HUWE1: variants seen among roughly 807,000 people sequenced by gnomAD.
The protein encoded by HUWE1 is E3 ubiquitin-protein ligase HUWE1.
In HUWE1, 18 loss-of-function variants were observed where a neutral mutation model predicts 299.4. The ratio of observed to expected loss-of-function variants is 0.06; its 90% CI spans 0.04 to 0.09. The LOEUF (loss-of-function observed/expected upper bound fraction) is 0.09. Among genes scored for constraint, HUWE1 ranks in the 10% least tolerant of loss-of-function variants. HUWE1 has a pLI of 1.00. For missense variants in HUWE1, 1,832 were observed against 3,462.3 expected, an observed-to-expected ratio of 0.53 and a Z score of 11.82; for synonymous variants, 1,317 against 1,286.1, an observed-to-expected ratio of 1.02 and a Z score of -0.51.
chrX:53,618,345 A>T (rs112831925), intron 19 of HUWE1, among the ~76,000 whole-genome samples: 1,674 of 110,791 alleles, frequency 0.015, 37 homozygotes, highest in African/African-American at 0.053. Flanking sequence ...GAAAAAAAAA[A>T]TTTATTCTAC....
intron 27 of HUWE1, 99 bp from the exon 28 acceptor site, chrX:53,602,757 A>C (rs1244181346): frequency 2.1e-6 from 1 of 478,984 alleles, no homozygotes; most frequent in South Asian, 4.2e-5. Flanking sequence ...CTTGGCTGAC[A>C]CTATCCCTCC....
chrX:53,600,545 G>A (rs1389755528), intron 28 of HUWE1, among the ~76,000 whole-genome samples: 2 of 112,277 alleles, frequency 1.8e-5, no homozygotes, highest in Non-Finnish European at 3.8e-5. Flanking sequence ...TTAACCCAGG[G>A]CTACCTTGGA....
chrX:53,571,462 G>A (rs981625572), intron 47 of HUWE1, among the ~76,000 whole-genome samples: 2 of 110,891 alleles, frequency 1.8e-5, no homozygotes, highest in Admixed American at 9.6e-5. Context: ...TTAGCTGGGC[G>A]TGGTAGCATG....
intron 68 of HUWE1, 112 bp from the exon 69 acceptor site, chrX:53,546,937 A>G: frequency 1.0e-6 from 1 of 986,668 alleles, no homozygotes; most frequent in Non-Finnish European, 1.4e-6. Context: ...ATGGGAAAGT[A>G]CTGAAAAAGA....
chrX:53,665,822 G>A (rs925099923), intron 3 of HUWE1, among the ~76,000 whole-genome samples: 2 of 111,953 alleles, frequency 1.8e-5, no homozygotes, highest in Non-Finnish European at 3.8e-5. Flanking sequence ...TTGGTACTCT[G>A]GAATATTCCT....
At chrX:53,669,331 T>C (rs2069403963) in intron 3 of HUWE1, among the ~76,000 whole-genome samples, 1 of 112,351 alleles carries the variant, frequency 8.9e-6, no homozygotes, top group African/African-American at 3.2e-5. Flanking sequence ...ATTTCAAATG[T>C]TCTTAAATAA....
chrX:53,552,073 C>T (rs1602593911), intron 63 of HUWE1, among the ~76,000 whole-genome samples: 1 of 111,600 alleles, frequency 9.0e-6, no homozygotes, highest in Non-Finnish European at 1.9e-5. Flanking sequence ...AAATAATGAC[C>T]CTAGGTTGTA....
At chrX:53,646,986 AGAG>A (rs2068096155) in intron 6 of HUWE1, among the ~76,000 whole-genome samples, 1 of 111,649 alleles carries the variant, frequency 9.0e-6, no homozygotes, top group African/African-American at 3.2e-5. Context: ...ACTAACACTT[AGAG>A]GAGTAGTAAG....
At chrX:53,658,946 A>G (rs782080208) in intron 3 of HUWE1, among the ~76,000 whole-genome samples, 2 of 112,998 alleles carry the variant, frequency 1.8e-5, no homozygotes, top group East Asian at 5.5e-4. Context: ...ACAGATGGCA[A>G]ATAAACATAT....
chrX:53,625,369 A>C, intron 17 of HUWE1, 111 bp from the exon 18 acceptor site: 1 of 524,210 alleles, frequency 1.9e-6, no homozygotes, highest in South Asian at 2.8e-5. Flanking sequence ...ATAAAATTAG[A>C]AGACATTCGA....
intron 55 of HUWE1, among the ~76,000 whole-genome samples, chrX:53,560,700 T>TC (rs1458858863): frequency 9.0e-6 from 1 of 111,665 alleles, no homozygotes; most frequent in African/African-American, 3.3e-5. Flanking sequence ...TACATGCTGC[T>TC]CCCTTCACCT....
rs782476072 is a variant in HUWE1 at position 53,590,530 on chromosome X, TAC to T, written c.4096-33_4096-32del. The stretch of plus-strand genomic sequence containing the variant: ...GTGTTAAGAGAATATCCAGTAAGGA[TAC>T]ACACTCAAAACAAAGAAACCCAACA... On this transcript the variant is annotated intron_variant, in intron 34 of 83. Transcript: ENST00000262854. 30 of 1,048,537 alleles carry T rather than the reference TAC, an allele frequency of 2.9e-5. No homozygotes were observed. In the African/African-American group the frequency reaches 4.1e-4, roughly 14 times the overall value. The allele number at this position is 1,048,537 out of a possible 1,213,427, so 86.4% of individuals were successfully genotyped here.
intron 73 of HUWE1, 57 bp downstream of exon 73, chrX:53,543,784 T>C: frequency 8.3e-7 from 1 of 1,204,720 alleles, no homozygotes; most frequent in Non-Finnish European, 1.1e-6. Flanking sequence ...ACTGATGACA[T>C]GGTGGGGGGA....
Position 53,592,567 on chromosome X carries a change from C to A in HUWE1, c.3803G>T (p.Arg1268Leu). Residue 1268 changes from arginine to leucine, a missense_variant, in exon 33 of 84, where the codon CGA becomes CTA. This residue lies in a region of HUWE1 where 658 missense variants were observed against 1,282.6 expected (regional missense o/e 0.51). Transcript: ENST00000262854. ...NRKPLKVYGG[R>L]MAESMLAILC... is the part of the protein sequence containing the mutation. ...AATGGCCAGCATCGATTCAGCCATT[C>A]GTCCACCATATACCTTCAGGGGTTT... 1 of 1,211,283 alleles carries A rather than the reference C, an allele frequency of 8.3e-7. No individual in the cohort carries two copies. Among genetic ancestry groups the A allele is most frequent in the Non-Finnish European group, 1.1e-6 (1 of 895,131 alleles).
At chrX:53,577,515 C>CCCT (rs1556960154) in intron 43 of HUWE1, among the ~76,000 whole-genome samples, 1 of 88,895 alleles carries the variant, frequency 1.1e-5, no homozygotes, top group African/African-American at 3.6e-5. Context: ...CTCTCCCTCT[C>CCCT]CCTCTCCCTC....
chrX:53,607,461 C>T, intron 25 of HUWE1, 62 bp downstream of exon 25: 1 of 1,051,166 alleles, frequency 9.5e-7, no homozygotes, highest in East Asian at 3.0e-5. Flanking sequence ...AACATATATA[C>T]AGAAGTATCG....
At chrX:53,581,528 C>T (rs1055161655) in intron 42 of HUWE1, among the ~76,000 whole-genome samples, 1 of 112,430 alleles carries the variant, frequency 8.9e-6, no homozygotes, top group South Asian at 3.7e-4. Context: ...TATGCTTCTG[C>T]TCTTCTCATA....
intron 32 of HUWE1, 28 bp from the exon 33 acceptor site, chrX:53,592,656 A>G (rs1556980431): frequency 7.5e-6 from 8 of 1,059,758 alleles, no homozygotes; most frequent in African/African-American, 1.8e-5. Context: ...AGTGTGTGAA[A>G]ATCATTTTGC....
At chrX:53,565,032 C>T (rs1556944324) in intron 50 of HUWE1, 35 bp downstream of exon 50, 1 of 1,186,921 alleles carries the variant, frequency 8.4e-7, no homozygotes, top group Admixed American at 2.2e-5. Context: ...AGCAACTACT[C>T]CCACCTCTCC....
Sources: gnomAD v4.1 joint callset for allele counts (sites outside exome capture counted in the v4.1 genomes callset) on GRCh38, gnomAD v4.1.1 for gene constraint, gnomAD v4.1.1 regional missense constraint, MANE v1.5 for transcripts, NCBI Gene and HGNC (gene_info 2026-07-23, HGNC 2026-07-21) for gene names.